Variants in PIK3CB observed in about 807,000 individuals in gnomAD.
PIK3CB encodes the protein phosphatidylinositol 4,5-bisphosphate 3-kinase catalytic subunit beta isoform.
In PIK3CB, 39 loss-of-function variants were observed where a neutral mutation model predicts 136.8. The observed-to-expected ratio is 0.29, with a 90% CI of 0.22 to 0.37. The LOEUF is 0.37. Ranked by LOEUF, PIK3CB falls within the 10% of genes least tolerant of loss-of-function variation. PIK3CB has a pLI of 1.00. For missense variants in PIK3CB, 868 were observed against 1,275.4 expected, an observed-to-expected ratio of 0.68 and a Z score of 4.87; for synonymous variants, 428 against 436.6, an observed-to-expected ratio of 0.98 and a Z score of 0.25.
intron 22 of PIK3CB, chr3:138,657,386 T>C: frequency 3.9e-6 from 1 of 254,856 alleles, no homozygotes; most frequent in Non-Finnish European, 7.4e-6. Context: ...ACAGCAGATG[T>C]CTTTTCAGCA....
intron 4 of PIK3CB, among the ~76,000 whole-genome samples, chr3:138,751,444 C>G (rs1490750380): frequency 2.0e-5 from 3 of 148,568 alleles, no homozygotes; most frequent in African/African-American, 7.5e-5. Context: ...GGCGATAGAG[C>G]GAGACTCCAT....
chr3:138,805,010 G>A (rs1271359780), intron 1 of PIK3CB, among the ~76,000 whole-genome samples: 1 of 151,004 alleles, frequency 6.6e-6, no homozygotes, highest in Non-Finnish European at 1.5e-5. Flanking sequence ...GGGTGACACA[G>A]CGAGACTCCA....
intron 1 of PIK3CB, chr3:138,825,788 C>T: frequency 1.1e-6 from 1 of 873,136 alleles, no homozygotes; most frequent in Non-Finnish European, 1.9e-6. Flanking sequence ...ACCTTTGCTC[C>T]AGTCAATGTT....
At chr3:138,681,218 G>A (rs1277881306) in intron 19 of PIK3CB, among the ~76,000 whole-genome samples, 1 of 151,040 alleles carries the variant, frequency 6.6e-6, no homozygotes, top group African/African-American at 2.4e-5. Context: ...GCTAACTTTT[G>A]TATTTTTAGA....
chr3:138,761,926 T>G (rs1576398290), intron 2 of PIK3CB, among the ~76,000 whole-genome samples: 2 of 116,228 alleles, frequency 1.7e-5, no homozygotes, highest in African/African-American at 3.2e-5. Flanking sequence ...GGCAACAGAG[T>G]GGGACTCTGT....
chr3:138,670,065 C>T (rs1472293153), intron 19 of PIK3CB, among the ~76,000 whole-genome samples: 1 of 152,194 alleles, frequency 6.6e-6, no homozygotes, highest in African/African-American at 2.4e-5. Flanking sequence ...CCTTTTTCTT[C>T]GCACAATGCT....
At chr3:138,733,605 G>A (rs914847685) in intron 7 of PIK3CB, among the ~76,000 whole-genome samples, 167 bp from the exon 8 acceptor site, 13 of 152,226 alleles carry the variant, frequency 8.5e-5, no homozygotes, top group South Asian at 2.1e-4. Context: ...TTGACCGGGC[G>A]CGGTGGCTCA....
intron 16 of PIK3CB, among the ~76,000 whole-genome samples, chr3:138,685,420 A>AAAAAAAAAGAAAG (rs2043866681): frequency 1.1e-5 from 1 of 86,982 alleles, no homozygotes; most frequent in East Asian, 1.3e-3. Flanking sequence ...AAAAAAAAAA[A>AAAAAAAAAGAAAG]AAAGAAAGAA....
At chr3:138,742,914 A>C (rs1047103363) in intron 4 of PIK3CB, 133 bp from the exon 5 acceptor site, 42 of 535,788 alleles carry the variant, frequency 7.8e-5, no homozygotes, top group Non-Finnish European at 1.2e-4. Context: ...AGATGAAACT[A>C]GGGAGGAAAA....
intron 19 of PIK3CB, among the ~76,000 whole-genome samples, chr3:138,677,087 C>T (rs139159155): frequency 3.5e-5 from 5 of 142,234 alleles, no homozygotes; most frequent in South Asian, 2.2e-4. Flanking sequence ...GATGGAGCTT[C>T]GCTCTTGTTG....
At chr3:138,740,273 C>T (rs61044268) in intron 5 of PIK3CB, among the ~76,000 whole-genome samples, 1,939 of 152,288 alleles carry the variant, frequency 0.013, 41 homozygotes, top group African/African-American at 0.042. Context: ...TCAGGGAATC[C>T]CTTGAACCTG....
At chr3:138,784,797 C>T (rs1302707524) in intron 2 of PIK3CB, among the ~76,000 whole-genome samples, 2 of 152,226 alleles carry the variant, frequency 1.3e-5, no homozygotes, top group Admixed American at 6.5e-5. Flanking sequence ...ACCTCCCAGC[C>T]GCCTGCCTTG....
At chr3:138,746,501 A>G (rs2045356858) in intron 4 of PIK3CB, among the ~76,000 whole-genome samples, 1 of 151,932 alleles carries the variant, frequency 6.6e-6, no homozygotes, top group Admixed American at 6.6e-5. Flanking sequence ...TCTACTAAAA[A>G]TACAAAAAAA....
chr3:138,725,592 T>C (rs944635934), intron 8 of PIK3CB, among the ~76,000 whole-genome samples: 19 of 152,230 alleles, frequency 1.2e-4, no homozygotes, highest in African/African-American at 4.6e-4. Context: ...AGTTCACTGA[T>C]CCTTTCCTTT....
At chr3:138,687,516 G>A (rs2043920500) in intron 16 of PIK3CB, among the ~76,000 whole-genome samples, 1 of 152,154 alleles carries the variant, frequency 6.6e-6, no homozygotes, top group Non-Finnish European at 1.5e-5. Context: ...CCAGGCTAGG[G>A]TGTAGTGGTA....
In PIK3CB at chr3:138,746,544, C is replaced by T. The variant is rs926917606; in HGVS notation, c.398-3763G>A. 2.0e-5 allele frequency among the ~76,000 whole-genome samples: 3 copies of T among 152,030 alleles called. No homozygotes were observed. The East Asian group carries it at 5.8e-4, about 30-fold the overall frequency. On this transcript the variant is annotated intron_variant, in intron 4 of 23. Coordinates refer to ENST00000674063, the MANE Select transcript of PIK3CB (RefSeq NM_006219.3). Reference sequence around the variant, plus strand: ...AGAGTGGTGGCGGGGACCTGTAGTCCCAGCTCCTCGGGAGGCTGAGGCAGG... The same window carrying T: ...AGAGTGGTGGCGGGGACCTGTAGTCTCAGCTCCTCGGGAGGCTGAGGCAGG...
At chr3:138,779,138 T>C (rs1259223507) in intron 2 of PIK3CB, among the ~76,000 whole-genome samples, 2 of 149,128 alleles carry the variant, frequency 1.3e-5, no homozygotes, top group Non-Finnish European at 3.0e-5. Flanking sequence ...CAGGCTGAAG[T>C]ACAGTGGCAT....
chr3:138,800,823 C>T lies in PIK3CB; in HGVS notation c.-121-4256G>A, dbSNP rs148974513. ...TAGTTTTAGTAGAGATGGGTTTTCG[C>T]CATGTTGGCCAGGCTGGTCTCGGAC... On this transcript the variant is annotated intron_variant, in intron 1 of 23. Coordinates refer to ENST00000674063, the MANE Select transcript of PIK3CB (RefSeq NM_006219.3). 8.7e-3 allele frequency among the ~76,000 whole-genome samples: 1,326 copies of T among 152,102 alleles called. 15 individuals are homozygous for T. The highest frequency in any genetic ancestry group is 9.9e-3 in the Non-Finnish European group (674 of 67,996).
At chr3:138,692,529 T>G (rs1458084245) in intron 14 of PIK3CB, among the ~76,000 whole-genome samples, 1 of 152,208 alleles carries the variant, frequency 6.6e-6, no homozygotes, top group Non-Finnish European at 1.5e-5. Flanking sequence ...CAATTTTGAT[T>G]AGGTTTATTG....
Sources: allele counts gnomAD v4.1 joint callset (sites outside exome capture counted in the v4.1 genomes callset), GRCh38; gene constraint gnomAD v4.1.1; transcripts MANE v1.5; gene names NCBI Gene and HGNC (gene_info 2026-07-23, HGNC 2026-07-21).